The following DPP10 variants were observed in gnomAD, a reference collection of about 807,000 sequenced individuals.
DPP10 encodes dipeptidyl peptidase like 10, also known as inactive dipeptidyl peptidase 10.
Under a neutral mutation model 120.9 loss-of-function variants are expected in DPP10, and 33 were observed. That is an observed-to-expected ratio of 0.27 (90% CI 0.21 to 0.37). The LOEUF is 0.37. Among genes scored for constraint, DPP10 ranks in the 10% least tolerant of loss-of-function variants. The probability of loss-of-function intolerance (pLI) is 1.00; values close to 1 mark genes in which losing one functional copy is unlikely to be tolerated. For missense variants in DPP10, 816 were observed against 942.8 expected, an observed-to-expected ratio of 0.87 and a Z score of 1.76; for synonymous variants, 337 against 326.1, an observed-to-expected ratio of 1.03 and a Z score of -0.36.
intron 3 of DPP10, among the ~76,000 whole-genome samples, chr2:115,444,668 T>C (rs776560552): frequency 6.6e-6 from 1 of 152,214 alleles, no homozygotes; most frequent in Non-Finnish European, 1.5e-5. Context: ...TAGGTGGTCC[T>C]GTTTGAGATT....
chr2:115,501,998 C>T (rs2076705616), intron 4 of DPP10, among the ~76,000 whole-genome samples: 1 of 151,800 alleles, frequency 6.6e-6, no homozygotes, highest in South Asian at 2.1e-4. Flanking sequence ...CATGACAAGT[C>T]ATTTGAGAAA....
At chr2:115,179,056 G>A (rs1398575923) in intron 1 of DPP10, among the ~76,000 whole-genome samples, 1 of 152,138 alleles carries the variant, frequency 6.6e-6, no homozygotes, top group Non-Finnish European at 1.5e-5. Context: ...CTTATCCCCA[G>A]CATTAGACTC....
At chr2:114,879,423 C>G (rs879567034) in intron 1 of DPP10, among the ~76,000 whole-genome samples, 8 of 152,080 alleles carry the variant, frequency 5.3e-5, no homozygotes, top group Non-Finnish European at 8.8e-5. Flanking sequence ...CAATTTATCT[C>G]AACTCTTTTA....
chr2:115,081,517 G>A (rs1573538294), intron 1 of DPP10, among the ~76,000 whole-genome samples: 1 of 151,844 alleles, frequency 6.6e-6, no homozygotes. Context: ...CTTTTAGTTG[G>A]TCCTTCATTT....
In DPP10 at chr2:114,945,077, C is replaced by T. The variant is rs58622662; in HGVS notation, c.61-364162C>T. Among the ~76,000 whole-genome samples, 570 of 152,292 alleles carry T rather than the reference C, an allele frequency of 3.7e-3. 4 individuals carry two copies. Among genetic ancestry groups the T allele is most frequent in the African/African-American group, 0.013 (545 of 41,556 alleles). On this transcript the variant is annotated intron_variant, in intron 1 of 25. Transcript: ENST00000410059. ...AAAAGCATAAAACAAAACACCTAGA[C>T]ACCAATTCAAAATAAATTGTATACC...
At chr2:115,319,962 T>C (rs527603843) in intron 2 of DPP10, among the ~76,000 whole-genome samples, 1 of 152,314 alleles carries the variant, frequency 6.6e-6, no homozygotes, top group South Asian at 2.1e-4. Flanking sequence ...TAATTACCTC[T>C]CAAAGTTCAC....
At chr2:114,563,186 A>T (rs1000737892) in intron 1 of DPP10, among the ~76,000 whole-genome samples, 8 of 152,324 alleles carry the variant, frequency 5.3e-5, no homozygotes, top group Admixed American at 4.6e-4. Context: ...ATCCTGGCCA[A>T]CATGGTGAAA....
intron 1 of DPP10, among the ~76,000 whole-genome samples, chr2:114,912,082 T>G (rs1694411530): frequency 6.6e-6 from 1 of 152,140 alleles, no homozygotes; most frequent in African/African-American, 2.4e-5. Context: ...TTCAGAGAGA[T>G]AGTCCTCCAC....
chr2:114,905,323 G>A (rs2106634906), intron 1 of DPP10, among the ~76,000 whole-genome samples: 1 of 152,016 alleles, frequency 6.6e-6, no homozygotes, highest in South Asian at 2.1e-4. Context: ...AGTATAAGTT[G>A]CTTTTCTATT....
intron 1 of DPP10, chr2:115,162,294 G>A (rs773304983): frequency 6.6e-7 from 1 of 1,520,676 alleles, no homozygotes; most frequent in Non-Finnish European, 8.8e-7. Context: ...AGGTGCCCCG[G>A]GGAACCCCGG....
intron 1 of DPP10, among the ~76,000 whole-genome samples, chr2:115,195,397 A>C (rs995905152): frequency 6.6e-6 from 1 of 152,174 alleles, no homozygotes; most frequent in African/African-American, 2.4e-5. Flanking sequence ...TAAACAAATA[A>C]GCAATTTTGC....
intron 1 of DPP10, among the ~76,000 whole-genome samples, chr2:114,873,918 C>G (rs1283741534): frequency 6.6e-6 from 1 of 152,114 alleles, no homozygotes; most frequent in Admixed American, 6.6e-5. Flanking sequence ...GAATGGGATA[C>G]AAAACTTGCT....
At chr2:114,491,765 AT>A (rs1465533555) in intron 1 of DPP10, among the ~76,000 whole-genome samples, 1 of 152,204 alleles carries the variant, frequency 6.6e-6, no homozygotes, top group Non-Finnish European at 1.5e-5. Context: ...ATTTTCAGTT[AT>A]TTAATTCTGG....
intron 8 of DPP10, among the ~76,000 whole-genome samples, chr2:115,730,667 C>T (rs1291711270): frequency 6.6e-6 from 1 of 152,102 alleles, no homozygotes; most frequent in African/African-American, 2.4e-5. Flanking sequence ...CGTTTCCTGA[C>T]AAATACGGTA....
intron 1 of DPP10, among the ~76,000 whole-genome samples, chr2:114,737,756 G>A (rs927761254): frequency 3.9e-5 from 6 of 152,326 alleles, no homozygotes; most frequent in Non-Finnish European, 8.8e-5. Flanking sequence ...TCAAGGTTTA[G>A]CTACATGACC....
At chr2:114,592,600 TA>T (rs955224430) in intron 1 of DPP10, among the ~76,000 whole-genome samples, 6 of 151,404 alleles carry the variant, frequency 4.0e-5, no homozygotes, top group African/African-American at 1.5e-4. Flanking sequence ...ACAAACCATA[TA>T]AAAAAAGCTC....
At chr2:114,827,830 T>C (rs944352255) in intron 1 of DPP10, among the ~76,000 whole-genome samples, 6 of 152,238 alleles carry the variant, frequency 3.9e-5, no homozygotes, top group African/African-American at 7.2e-5. Context: ...TGAGCCTTTC[T>C]GCCTTGCAAA....
chr2:115,006,802 A>C (rs1242141154), intron 1 of DPP10, among the ~76,000 whole-genome samples: 2 of 151,966 alleles, frequency 1.3e-5, no homozygotes, highest in African/African-American at 4.8e-5. Flanking sequence ...AACATTAGAC[A>C]GATCAATGAG....
intron 3 of DPP10, among the ~76,000 whole-genome samples, chr2:115,414,562 T>C (rs1185434332): frequency 6.6e-6 from 1 of 152,176 alleles, no homozygotes; most frequent in Non-Finnish European, 1.5e-5. Flanking sequence ...ATGAAACTGA[T>C]ATGTATTTTT....
Sources: allele counts gnomAD v4.1 joint callset (sites outside exome capture counted in the v4.1 genomes callset), GRCh38; gene constraint gnomAD v4.1.1; transcripts MANE v1.5; gene names NCBI Gene and HGNC (gene_info 2026-07-23, HGNC 2026-07-21).